Variants in WDFY3 observed in about 807,000 individuals in gnomAD.
WDFY3 encodes the protein WD repeat and FYVE domain-containing protein 3.
WDFY3 carries 66 observed loss-of-function variants against 409.6 expected under a neutral mutation model. That is an observed-to-expected ratio of 0.16 (90% CI 0.13 to 0.20). The LOEUF (loss-of-function observed/expected upper bound fraction) is 0.20, where lower values mean the gene tolerates loss of function less well. Among genes scored for constraint, WDFY3 ranks in the 10% least tolerant of loss-of-function variants. The pLI is 1.00. For synonymous variants in WDFY3, 1,521 were observed against 1,537.1 expected (o/e 0.99, Z 0.25); for missense variants, 3,031 against 4,298.1 (o/e 0.71, Z 8.24).
chr4:84,965,735 G>C (rs1204505801), intron 1 of WDFY3: 1 of 152,360 alleles, frequency 6.6e-6, no homozygotes, highest in Non-Finnish European at 1.5e-5. Flanking sequence ...GGCCGCGCTC[G>C]GCTGCGCTCA....
chr4:84,726,197 G>A (rs1359567503), intron 45 of WDFY3, among the ~76,000 whole-genome samples: 1 of 151,964 alleles, frequency 6.6e-6, no homozygotes, highest in Non-Finnish European at 1.5e-5. Flanking sequence ...ATAGATGAGG[G>A]ACAGCATCTA....
intron 50 of WDFY3, among the ~76,000 whole-genome samples, chr4:84,714,705 C>T (rs965111646): frequency 2.0e-5 from 3 of 152,032 alleles, no homozygotes; most frequent in East Asian, 1.9e-4. Flanking sequence ...AATCCTAGCA[C>T]TTTGGGAGGC....
intron 36 of WDFY3, among the ~76,000 whole-genome samples, chr4:84,744,235 TG>T (rs1437271206): frequency 6.6e-6 from 1 of 151,306 alleles, no homozygotes; most frequent in Non-Finnish European, 1.5e-5. Flanking sequence ...AGAGATATGG[TG>T]GTTTACAATG....
intron 1 of WDFY3, chr4:84,965,707 C>G (rs1479840834): frequency 6.6e-6 from 1 of 152,308 alleles, no homozygotes; most frequent in Non-Finnish European, 1.5e-5. Flanking sequence ...GCCCTGGAGA[C>G]AGCGCCCGAG....
intron 46 of WDFY3, among the ~76,000 whole-genome samples, chr4:84,723,615 T>C (rs901931515): frequency 3.3e-5 from 5 of 152,006 alleles, no homozygotes; most frequent in African/African-American, 1.2e-4. Flanking sequence ...TGTCAAAATT[T>C]ATAAAGTGAG....
At chr4:84,786,352 G>A (rs1747548425) in intron 23 of WDFY3, among the ~76,000 whole-genome samples, 1 of 152,094 alleles carries the variant, frequency 6.6e-6, no homozygotes, top group Non-Finnish European at 1.5e-5. Context: ...TACATTCTAA[G>A]TGCCACTCTT....
intron 25 of WDFY3, among the ~76,000 whole-genome samples, chr4:84,781,417 G>C (rs1746503208): frequency 7.4e-6 from 1 of 135,634 alleles, no homozygotes; most frequent in Non-Finnish European, 1.5e-5. Context: ...TTTTGAGACA[G>C]GGTCTCATTG....
rs556833051 is a variant in WDFY3 at position 84,928,121 on chromosome 4, C to T, written c.-132+4149G>A. On this transcript the variant is annotated intron_variant, in intron 2 of 67. Transcript: ENST00000295888. Reference sequence around the variant, plus strand: ...AAATCAGCTGGGGACCCAGATGGAACAAAAAAGCAGAAGAAGGGTGAACTT... The same window carrying T: ...AAATCAGCTGGGGACCCAGATGGAATAAAAAAGCAGAAGAAGGGTGAACTT... 2.9e-4 allele frequency among the ~76,000 whole-genome samples: 44 copies of T among 152,256 alleles called. No individual in the cohort carries two copies. The South Asian group carries it at 7.9e-3, about 27-fold the overall frequency.
chr4:84,936,556 G>C (rs952947611), intron 1 of WDFY3, among the ~76,000 whole-genome samples: 1 of 151,978 alleles, frequency 6.6e-6, no homozygotes, highest in African/African-American at 2.4e-5. Flanking sequence ...AGATCAATGA[G>C]AAAATTTTTT....
chr4:84,900,677 AG>A (rs1766232362), intron 2 of WDFY3, among the ~76,000 whole-genome samples: 1 of 152,188 alleles, frequency 6.6e-6, no homozygotes, highest in Admixed American at 6.5e-5. Flanking sequence ...CAGGGGTTAG[AG>A]GTGAGAGAGA....
At chr4:84,873,383 CTAAA>C (rs1762376149) in intron 3 of WDFY3, among the ~76,000 whole-genome samples, 1 of 152,162 alleles carries the variant, frequency 6.6e-6, no homozygotes, top group Non-Finnish European at 1.5e-5. Context: ...CAACACACTT[CTAAA>C]TAAACATATG....
chr4:84,801,582 G>C, intron 17 of WDFY3, 68 bp downstream of exon 17: 4 of 1,466,918 alleles, frequency 2.7e-6, no homozygotes, highest in Non-Finnish European at 3.7e-6. Flanking sequence ...CAGGAATTCT[G>C]GAATCATAAG....
chr4:84,858,371 G>A (rs1250967305), intron 4 of WDFY3, among the ~76,000 whole-genome samples: 1 of 152,100 alleles, frequency 6.6e-6, no homozygotes, highest in Non-Finnish European at 1.5e-5. Context: ...ACACTGATAT[G>A]TGAACACTGG....
At chr4:84,692,089 T>C (rs1344045919) in intron 59 of WDFY3, among the ~76,000 whole-genome samples, 2 of 152,134 alleles carry the variant, frequency 1.3e-5, no homozygotes, top group Non-Finnish European at 2.9e-5. Context: ...TCTGGGATGC[T>C]CCCCAGAATG....
At chr4:84,712,095 G>A (rs998726997) in intron 51 of WDFY3, among the ~76,000 whole-genome samples, 3 of 152,008 alleles carry the variant, frequency 2.0e-5, no homozygotes, top group Admixed American at 1.3e-4. Context: ...GGGCCAAGAT[G>A]GGTGGATCAC....
intron 8 of WDFY3, among the ~76,000 whole-genome samples, chr4:84,830,481 T>C (rs953000419): frequency 2.0e-5 from 3 of 152,212 alleles, no homozygotes; most frequent in African/African-American, 4.8e-5. Flanking sequence ...AGGTTAAGTG[T>C]ATTAAATGCG....
At chr4:84,897,900 A>G (rs1765851319) in intron 2 of WDFY3, among the ~76,000 whole-genome samples, 1 of 152,338 alleles carries the variant, frequency 6.6e-6, no homozygotes, top group East Asian at 1.9e-4. Context: ...TTTAGAGATA[A>G]CAACTATTAA....
At chr4:84,769,033 G>C (rs1187965270) in intron 30 of WDFY3, among the ~76,000 whole-genome samples, 1 of 152,200 alleles carries the variant, frequency 6.6e-6, no homozygotes, top group Non-Finnish European at 1.5e-5. Flanking sequence ...AGTAACTGCA[G>C]ATGTGGTAGA....
At chr4:84,947,444 G>A (rs1434803904) in intron 1 of WDFY3, among the ~76,000 whole-genome samples, 1 of 150,106 alleles carries the variant, frequency 6.7e-6, no homozygotes, top group Admixed American at 6.6e-5. Context: ...CTCGGGAGGT[G>A]GAGGTTGCAG....
Sources: gnomAD v4.1 joint callset for allele counts (sites outside exome capture counted in the v4.1 genomes callset) on GRCh38, gnomAD v4.1.1 for gene constraint, MANE v1.5 for transcripts, NCBI Gene and HGNC (gene_info 2026-07-23, HGNC 2026-07-21) for gene names.